Variants in HERC4 observed in about 807,000 individuals in gnomAD.
HERC4 encodes HECT and RLD domain containing E3 ubiquitin protein ligase 4.
Under a neutral mutation model 124.3 loss-of-function variants are expected in HERC4, and 28 were observed. The ratio of observed to expected loss-of-function variants is 0.23; its 90% CI spans 0.17 to 0.31. HERC4 has a LOEUF of 0.31. HERC4 is among the 10% of genes least tolerant of loss of function. The pLI is 1.00. For synonymous variants in HERC4, 407 were observed against 421.5 expected, an observed-to-expected ratio of 0.97 and a Z score of 0.42; for missense variants, 713 against 1,229.3, an observed-to-expected ratio of 0.58 and a Z score of 6.28.
chr10:68,005,730 G>A (rs1450809251), intron 9 of HERC4, among the ~76,000 whole-genome samples: 4 of 149,874 alleles, frequency 2.7e-5, no homozygotes, highest in African/African-American at 7.4e-5. Context: ...TTGAGACATG[G>A]TCTTGCTCTA....
chr10:68,029,484 T>G (rs189402239), intron 7 of HERC4, among the ~76,000 whole-genome samples: 274 of 151,162 alleles, frequency 1.8e-3, no homozygotes, highest in African/African-American at 6.2e-3. Flanking sequence ...AGAACAAGAC[T>G]CCATCTCAAA....
rs201862671 is a variant in HERC4, at chr10:67,970,208, T to C, written c.1807-3406A>G. On this transcript the variant is annotated intron_variant, in intron 15 of 24. Transcript: ENST00000373700. ...AAATCCTTACACTAATACCAGATAG[T>C]AGAGGTGTACCAATTTATAAGCTTT... Among the ~76,000 whole-genome samples the C allele has an allele frequency of 8.5e-4, 130 of 152,290 alleles. 1 individual carries two copies. The highest frequency in any genetic ancestry group is 1.6e-3 in the Non-Finnish European group (106 of 68,016).
intron 21 of HERC4, among the ~76,000 whole-genome samples, chr10:67,936,857 G>C (rs1465127049): frequency 6.6e-6 from 1 of 152,044 alleles, no homozygotes; most frequent in Non-Finnish European, 1.5e-5. Flanking sequence ...AAAATACTAT[G>C]ATGGGAGTGG....
At chr10:68,038,348 G>T in intron 4 of HERC4, 179 bp from the exon 5 acceptor site, 4 of 344,700 alleles carry the variant, frequency 1.2e-5, no homozygotes, top group Non-Finnish European at 1.5e-5. Context: ...ACAAGAGCTA[G>T]ATACAAAAAA....
intron 5 of HERC4, among the ~76,000 whole-genome samples, chr10:68,035,318 A>T (rs1017697239): frequency 6.6e-6 from 1 of 151,994 alleles, no homozygotes; most frequent in Non-Finnish European, 1.5e-5. Context: ...ATGCCTGGCT[A>T]ATTTTTAAAA....
intron 4 of HERC4, chr10:68,039,699 C>A: frequency 7.4e-7 from 1 of 1,356,652 alleles, no homozygotes. Flanking sequence ...TTTGAAATAG[C>A]AAAATCAAAC....
At position 67,992,305 on chromosome 10, in the gene HERC4, C is replaced by A; in HGVS notation, c.1165G>T (p.Asp389Tyr). 6.2e-7 allele frequency: 1 copy of A among 1,613,786 alleles called. No homozygotes were observed. Among genetic ancestry groups the A allele is most frequent in the South Asian group, 1.1e-5 (1 of 91,010 alleles). The change falls in exon 11 of 25, where the codon GAC (aspartate) becomes TAC (tyrosine). Residue 389 changes from aspartate (D) to tyrosine (Y), a missense_variant. Coordinates refer to ENST00000373700, the MANE Select transcript of HERC4 (RefSeq NM_015601.4). ...SSPQNCGPPD[D>Y]FRCPNPTKQI... ...TTTGTCGGATTGGGACATCTGAAGTCATCTGGTGGCCCACAGTTCTAAATT... is the reference window on the plus strand; with the variant it reads ...TTTGTCGGATTGGGACATCTGAAGTAATCTGGTGGCCCACAGTTCTAAATT...
intron 3 of HERC4, among the ~76,000 whole-genome samples, chr10:68,060,961 T>C (rs1564611875): frequency 6.6e-6 from 1 of 152,186 alleles, no homozygotes; most frequent in Non-Finnish European, 1.5e-5. Flanking sequence ...AATGTATAGG[T>C]AAAGTAGCTA....
chr10:68,061,628 T>C lies in HERC4; in HGVS notation c.226+11255A>G, dbSNP rs555514233. 2.1e-5 allele frequency among the ~76,000 whole-genome samples: 3 copies of C among 145,130 alleles called. 1 individual carries two copies. The highest frequency in any genetic ancestry group is 7.5e-5 in the African/African-American group (3 of 39,864). On this transcript the variant is annotated intron_variant, in intron 3 of 24. Transcript: ENST00000373700. Reference sequence around the variant, plus strand: ...GATCAGTGGCTCACGCCTGTAATCCTAGCACTTTGGGAGGCAGAGACGGGC... The same window carrying C: ...GATCAGTGGCTCACGCCTGTAATCCCAGCACTTTGGGAGGCAGAGACGGGC...
chr10:67,949,935 C>G (rs1273598197), intron 19 of HERC4, among the ~76,000 whole-genome samples: 1 of 151,998 alleles, frequency 6.6e-6, no homozygotes, highest in Non-Finnish European at 1.5e-5. Flanking sequence ...AAGAGAATCG[C>G]TTGAACCTGG....
intron 3 of HERC4, among the ~76,000 whole-genome samples, chr10:68,051,101 C>CAAAAAAAAAAAAAAACAAAAAAAAA (rs2040275331): frequency 1.0e-5 from 1 of 95,486 alleles, no homozygotes; most frequent in Non-Finnish European, 2.2e-5. Context: ...ACCCAAAGAC[C>CAAAAAAAAAAAAAAACAAAAAAAAA]AAAAAAAAAA....
chr10:68,047,681 C>A (rs571043850), intron 3 of HERC4, among the ~76,000 whole-genome samples: 1 of 152,192 alleles, frequency 6.6e-6, no homozygotes, highest in East Asian at 1.9e-4. Context: ...AAACAACATA[C>A]CACTACACAC....
At chr10:67,988,528 A>G in intron 15 of HERC4, 135 bp downstream of exon 15, 2 of 574,574 alleles carry the variant, frequency 3.5e-6, no homozygotes, top group Non-Finnish European at 5.8e-6. Context: ...GAAAGTATAG[A>G]TAACTTTTCC....
intron 15 of HERC4, among the ~76,000 whole-genome samples, chr10:67,980,286 A>ATTAG (rs535898215): frequency 8.9e-4 from 135 of 152,172 alleles, no homozygotes; most frequent in African/African-American, 2.9e-3. Flanking sequence ...GACATGCGCC[A>ATTAG]CCATGCCTGG....
intron 7 of HERC4, among the ~76,000 whole-genome samples, chr10:68,028,353 AT>A (rs1190375539): frequency 6.6e-6 from 1 of 151,394 alleles, no homozygotes; most frequent in East Asian, 1.9e-4. Flanking sequence ...AAATTCATGG[AT>A]TTTTTTATAG....
At chr10:68,057,452 T>C (rs2040605068) in intron 3 of HERC4, among the ~76,000 whole-genome samples, 1 of 151,932 alleles carries the variant, frequency 6.6e-6, no homozygotes, top group East Asian at 2.0e-4. Context: ...GGTGAAACCC[T>C]GTCTCTGCTA....
intron 3 of HERC4, among the ~76,000 whole-genome samples, chr10:68,051,341 ATTTTTTTTTTT>A (rs34027809): frequency 0.15 from 19,758 of 130,146 alleles, 1,860 homozygotes; most frequent in East Asian, 0.43. Flanking sequence ...TGTTAACACT[ATTTTTTTTTTT>A]TTTTTTTTTT....
intron 9 of HERC4, among the ~76,000 whole-genome samples, chr10:68,012,836 C>T (rs1431543709): frequency 6.6e-6 from 1 of 152,052 alleles, no homozygotes; most frequent in Non-Finnish European, 1.5e-5. Flanking sequence ...AGCTTATAAG[C>T]TTTAGTAATT....
chr10:67,986,959 C>A (rs984427358), intron 15 of HERC4, among the ~76,000 whole-genome samples: 1 of 152,082 alleles, frequency 6.6e-6, no homozygotes, highest in Non-Finnish European at 1.5e-5. Context: ...TGTGGACATT[C>A]ATTTTTCCAG....
Sources: gnomAD v4.1 joint callset for allele counts (sites outside exome capture counted in the v4.1 genomes callset) on GRCh38, gnomAD v4.1.1 for gene constraint, MANE v1.5 for transcripts, NCBI Gene and HGNC (gene_info 2026-07-23, HGNC 2026-07-21) for gene names.